SDK2: variants seen among roughly 807,000 people sequenced by gnomAD.
The protein encoded by SDK2 is sidekick cell adhesion molecule 2.
In SDK2, 105 loss-of-function variants were observed where a neutral mutation model predicts 253.9. That is an observed-to-expected ratio of 0.41 (90% CI 0.35 to 0.49). SDK2 has a LOEUF of 0.49. Among genes scored for constraint, SDK2 ranks in the 20% least tolerant of loss-of-function variants. The pLI is 0.06. For missense variants in SDK2, 2,608 were observed against 3,003.0 expected (o/e 0.87, Z 3.07); for synonymous variants, 1,249 against 1,234.9 (o/e 1.01, Z -0.24).
chr17:73,402,175 A>C (rs1384416267), intron 18 of SDK2, 34 bp from the exon 19 acceptor site: 2 of 1,600,148 alleles, frequency 1.2e-6, no homozygotes, highest in East Asian at 2.2e-5. Flanking sequence ...ACAGGGCAGC[A>C]GGAAGGTTCC....
At chr17:73,625,881 G>A (rs1053361093) in intron 1 of SDK2, among the ~76,000 whole-genome samples, 1 of 152,164 alleles carries the variant, frequency 6.6e-6, no homozygotes, top group Admixed American at 6.5e-5. Flanking sequence ...CTGACCTCAG[G>A]TGATCCACCC....
chr17:73,566,724 G>A (rs78724228), intron 1 of SDK2, among the ~76,000 whole-genome samples: 149 of 152,236 alleles, frequency 9.8e-4, no homozygotes, highest in African/African-American at 3.3e-3. Flanking sequence ...AGGGCTTTAT[G>A]AGAGACACCA....
At chr17:73,577,466 G>A (rs1389763204) in intron 1 of SDK2, among the ~76,000 whole-genome samples, 2 of 152,238 alleles carry the variant, frequency 1.3e-5, no homozygotes, top group Admixed American at 6.5e-5. Context: ...CAGTGGGGGA[G>A]AGAGGGTCCC....
chr17:73,405,439 C>CAAAA lies in SDK2; in HGVS notation c.2485-3302_2485-3299dup, dbSNP rs1230810012. On this transcript the variant is annotated intron_variant, in intron 18 of 44. Coordinates refer to ENST00000392650, the MANE Select transcript of SDK2 (RefSeq NM_001144952.2). Reference sequence around the variant, plus strand: ...TGGGCAAAAGAACAAAACTCCTTCTCAAAAAAAAAAAAAAACAAACAAAAA... The same window carrying CAAAA: ...TGGGCAAAAGAACAAAACTCCTTCTCAAAAAAAAAAAAAAAAAAACAAACAAAAA... Among the ~76,000 whole-genome samples, 68 of 18,364 alleles carry CAAAA rather than the reference C, an allele frequency of 3.7e-3. 4 individuals carry two copies. The East Asian group carries it at 0.061, about 16-fold the overall frequency. 12.0% of individuals were successfully genotyped at this position (18,364 alleles called of 152,430 possible).
chr17:73,605,378 C>T (rs75221076), intron 1 of SDK2, among the ~76,000 whole-genome samples: 428 of 152,146 alleles, frequency 2.8e-3, no homozygotes, highest in Admixed American at 5.8e-3. Flanking sequence ...GCCTTGACCA[C>T]AGGAAATGGG....
intron 1 of SDK2, among the ~76,000 whole-genome samples, chr17:73,582,768 T>C (rs964128516): frequency 2.8e-4 from 42 of 152,334 alleles, no homozygotes; most frequent in African/African-American, 8.4e-4. Context: ...ATATAGGGTC[T>C]AGATCTGTCC....
intron 5 of SDK2, among the ~76,000 whole-genome samples, chr17:73,446,092 G>T (rs1410399217): frequency 1.3e-5 from 2 of 152,194 alleles, no homozygotes; most frequent in African/African-American, 2.4e-5. Context: ...CTCTGTCTCA[G>T]GGTAAACTGA....
chr17:73,596,290 C>T (rs1198748987), intron 1 of SDK2, among the ~76,000 whole-genome samples: 2 of 152,062 alleles, frequency 1.3e-5, no homozygotes, highest in Non-Finnish European at 2.9e-5. Flanking sequence ...GGGCAGTGAT[C>T]AGGGCAAGGT....
intron 44 of SDK2, among the ~76,000 whole-genome samples, chr17:73,344,883 C>T (rs563394507): frequency 6.6e-6 from 1 of 152,310 alleles, no homozygotes; most frequent in Admixed American, 6.5e-5. Flanking sequence ...TGCACGCTTC[C>T]CTTCTAGGCA....
intron 36 of SDK2, among the ~76,000 whole-genome samples, chr17:73,371,822 T>A (rs1048478308): frequency 3.3e-5 from 5 of 152,084 alleles, no homozygotes; most frequent in African/African-American, 1.2e-4. Flanking sequence ...TAGCCGGGCA[T>A]GGTGGCGGAT....
intron 4 of SDK2, among the ~76,000 whole-genome samples, chr17:73,451,766 T>C (rs1423701630): frequency 1.3e-5 from 2 of 152,134 alleles, no homozygotes; most frequent in Non-Finnish European, 2.9e-5. Context: ...AGAATGTCCA[T>C]CTCGTTGATA....
chr17:73,342,820 A>C (rs901520348), intron 44 of SDK2, among the ~76,000 whole-genome samples: 6 of 148,986 alleles, frequency 4.0e-5, no homozygotes, highest in Admixed American at 2.7e-4. Context: ...AAATGGGTAG[A>C]GTTCCATAGT....
chr17:73,472,345 T>C, intron 2 of SDK2, 127 bp from the exon 3 acceptor site: 1 of 647,500 alleles, frequency 1.5e-6, no homozygotes, highest in Non-Finnish European at 2.8e-6. Flanking sequence ...AGGGAACTCT[T>C]GACTCTCTAG....
intron 4 of SDK2, among the ~76,000 whole-genome samples, chr17:73,453,481 G>A (rs764898895): frequency 7.9e-5 from 12 of 151,566 alleles, no homozygotes; most frequent in Middle Eastern, 3.2e-3. Context: ...AGGTTCAAGC[G>A]ATTCTCCTGT....
chr17:73,505,752 T>A (rs1436707069), intron 2 of SDK2, among the ~76,000 whole-genome samples: 1 of 151,504 alleles, frequency 6.6e-6, no homozygotes, highest in East Asian at 2.0e-4. Flanking sequence ...TCAGCATCAA[T>A]AGCTGGACCT....
At chr17:73,387,701 TG>T in intron 30 of SDK2, 134 bp downstream of exon 30, 1 of 733,842 alleles carries the variant, frequency 1.4e-6, no homozygotes, top group South Asian at 1.9e-5. Flanking sequence ...GGGGGCCGCC[TG>T]GGTGGTGCAT....
At chr17:73,549,225 G>A (rs2045016623) in intron 1 of SDK2, among the ~76,000 whole-genome samples, 1 of 152,216 alleles carries the variant, frequency 6.6e-6, no homozygotes, top group Non-Finnish European at 1.5e-5. Context: ...AGTAGAAGGA[G>A]AGAGGAGTGG....
At chr17:73,535,441 C>A (rs964101576) in intron 1 of SDK2, among the ~76,000 whole-genome samples, 1 of 152,154 alleles carries the variant, frequency 6.6e-6, no homozygotes, top group African/African-American at 2.4e-5. Flanking sequence ...GGGTGAATGG[C>A]GGGGTGGGGC....
At chr17:73,344,352 G>T (rs1443370585) in intron 44 of SDK2, among the ~76,000 whole-genome samples, 2 of 152,194 alleles carry the variant, frequency 1.3e-5, no homozygotes, top group African/African-American at 4.8e-5. Context: ...AGGCTCAAGG[G>T]AGGTCACTGG....
Sources: allele counts gnomAD v4.1 joint callset (sites outside exome capture counted in the v4.1 genomes callset), GRCh38; gene constraint gnomAD v4.1.1; transcripts MANE v1.5; gene names NCBI Gene and HGNC (gene_info 2026-07-23, HGNC 2026-07-21).